The following ST6GALNAC3 variants were observed in gnomAD, a reference collection of about 807,000 sequenced individuals.
ST6GALNAC3 encodes the protein ST6 N-acetylgalactosaminide alpha-2,6-sialyltransferase 3.
In ST6GALNAC3, 25 loss-of-function variants were observed where a neutral mutation model predicts 32.7. That is an observed-to-expected ratio of 0.76 (90% CI 0.56 to 1.07). ST6GALNAC3 has a LOEUF of 1.07. Among genes scored for constraint, ST6GALNAC3 ranks in the 50% least tolerant of loss-of-function variants. The pLI, the probability that ST6GALNAC3 is intolerant of heterozygous loss-of-function variation, is 0.00. For synonymous variants in ST6GALNAC3, 129 were observed against 133.1 expected (o/e 0.97, Z 0.21); for missense variants, 355 against 382.4 (o/e 0.93, Z 0.60).
chr1:76,516,249 A>T (rs1044644999), intron 3 of ST6GALNAC3, among the ~76,000 whole-genome samples: 3 of 152,146 alleles, frequency 2.0e-5, no homozygotes, highest in Admixed American at 1.3e-4. Context: ...TTATTTTTTT[A>T]AAATGTTACA....
rs1659202866 is a variant in ST6GALNAC3, at chr1:76,277,528, G to GTGTA, written c.19-36276_19-36275insGTAT. On this transcript the variant is annotated intron_variant, in intron 1 of 4. Coordinates refer to ENST00000328299, the MANE Select transcript of ST6GALNAC3 (RefSeq NM_152996.4). ...AAGACATATATGTATATGTTTATGT[G>GTGTA]TATATATATATATATATATATATAT... 5.9e-5 allele frequency among the ~76,000 whole-genome samples: 5 copies of GTGTA among 84,580 alleles called. No homozygotes were observed. In the South Asian group the frequency reaches 1.3e-3, roughly 22 times the overall value. The allele number at this position is 84,580 out of a possible 152,430, so 55.5% of individuals were successfully genotyped here.
chr1:76,121,761 AC>A (rs1230158247), intron 1 of ST6GALNAC3, among the ~76,000 whole-genome samples: 1 of 152,198 alleles, frequency 6.6e-6, no homozygotes, highest in Non-Finnish European at 1.5e-5. Context: ...TGCCCTGCAC[AC>A]AAACCCTCCA....
chr1:76,165,378 C>T (rs999071491), intron 1 of ST6GALNAC3, among the ~76,000 whole-genome samples: 9 of 152,050 alleles, frequency 5.9e-5, no homozygotes, highest in East Asian at 1.9e-4. Flanking sequence ...CATAGTATTC[C>T]GTGGTATATA....
At chr1:76,428,786 A>G (rs1285671697) in intron 3 of ST6GALNAC3, among the ~76,000 whole-genome samples, 2 of 152,212 alleles carry the variant, frequency 1.3e-5, no homozygotes, top group Non-Finnish European at 2.9e-5. Context: ...TAATGCTAAT[A>G]GCTAATGAAA....
At chr1:76,313,655 A>G (rs758367125) in intron 1 of ST6GALNAC3, 150 bp from the exon 2 acceptor site, 1 of 910,970 alleles carries the variant, frequency 1.1e-6, no homozygotes, top group South Asian at 1.4e-5. Context: ...TCACCAAATA[A>G]TTATTTTCCA....
Position 76,509,693 on chromosome 1 carries a change from A to AG in ST6GALNAC3, c.623+97279dup, listed in dbSNP as rs556286052. On this transcript the variant is annotated intron_variant, in intron 3 of 4. Transcript: ENST00000328299. The surrounding 1 kb of genome is among the most constrained non-coding windows in gnomAD (Gnocchi z 5.5). ...GGCTGCATTCCTTCTGGAAGATCCA[A>AG]GGGAGAATCTATTTCTTTTTCCAGC... 3.7e-4 allele frequency among the ~76,000 whole-genome samples: 57 copies of AG among 152,296 alleles called. 2 individuals carry two copies. In the South Asian group the frequency reaches 9.7e-3, roughly 26 times the overall value.
intron 1 of ST6GALNAC3, among the ~76,000 whole-genome samples, chr1:76,096,089 G>A (rs1000174005): frequency 3.9e-5 from 6 of 152,166 alleles, no homozygotes; most frequent in African/African-American, 1.4e-4. Flanking sequence ...CCTAGGCAAC[G>A]TTTACCTGTG....
chr1:76,324,126 G>T (rs1647023210), intron 2 of ST6GALNAC3, among the ~76,000 whole-genome samples: 1 of 152,188 alleles, frequency 6.6e-6, no homozygotes, highest in Non-Finnish European at 1.5e-5. Flanking sequence ...AGAGTGCTGG[G>T]ATTACAGGTG....
At chr1:76,211,517 C>T (rs1570450793) in intron 1 of ST6GALNAC3, among the ~76,000 whole-genome samples, 1 of 152,156 alleles carries the variant, frequency 6.6e-6, no homozygotes, top group Non-Finnish European at 1.5e-5. Flanking sequence ...TTCACAATAG[C>T]AAAGACTTGG....
At chr1:76,459,820 CTTCA>C (rs957848529) in intron 3 of ST6GALNAC3, among the ~76,000 whole-genome samples, 5 of 152,160 alleles carry the variant, frequency 3.3e-5, no homozygotes, top group Admixed American at 2.0e-4. Context: ...AATATCAGTA[CTTCA>C]TTCATTTTTA....
intron 2 of ST6GALNAC3, among the ~76,000 whole-genome samples, chr1:76,386,672 AG>A (rs1352918184): frequency 2.0e-5 from 3 of 152,288 alleles, no homozygotes; most frequent in Middle Eastern, 3.4e-3. Context: ...TGGGTGTTAG[AG>A]TTAAACCTAG....
At chr1:76,570,635 A>G (rs1221782104) in intron 3 of ST6GALNAC3, among the ~76,000 whole-genome samples, 1 of 152,056 alleles carries the variant, frequency 6.6e-6, no homozygotes, top group Non-Finnish European at 1.5e-5. Context: ...TGCCAATGAC[A>G]TCTTATGTTG....
chr1:76,220,905 T>G (rs760788148), intron 1 of ST6GALNAC3, among the ~76,000 whole-genome samples: 3 of 152,172 alleles, frequency 2.0e-5, no homozygotes, highest in Non-Finnish European at 4.4e-5. Context: ...ACCATCCCAG[T>G]CTTGACAGGT....
chr1:76,364,483 G>A (rs547609218), intron 2 of ST6GALNAC3, among the ~76,000 whole-genome samples: 2 of 152,240 alleles, frequency 1.3e-5, no homozygotes, highest in South Asian at 4.1e-4. Flanking sequence ...AACCCAGGAG[G>A]TGGAGGTTGC....
At chr1:76,539,274 C>A (rs1001132845) in intron 3 of ST6GALNAC3, among the ~76,000 whole-genome samples, 1 of 152,138 alleles carries the variant, frequency 6.6e-6, no homozygotes, top group African/African-American at 2.4e-5. Context: ...GAAATGATCT[C>A]CTATTCAATA....
At chr1:76,516,241 A>AT (rs1662165458) in intron 3 of ST6GALNAC3, among the ~76,000 whole-genome samples, 1 of 152,092 alleles carries the variant, frequency 6.6e-6, no homozygotes, top group African/African-American at 2.4e-5. Context: ...TCTTTGAGTT[A>AT]TTTTTTTAAA....
At chr1:76,116,670 C>G (rs1648502203) in intron 1 of ST6GALNAC3, among the ~76,000 whole-genome samples, 1 of 152,104 alleles carries the variant, frequency 6.6e-6, no homozygotes, top group Non-Finnish European at 1.5e-5. Flanking sequence ...GTGGCTCACA[C>G]CTGTAATCCC....
chr1:76,268,364 G>A (rs1010880037), intron 1 of ST6GALNAC3, among the ~76,000 whole-genome samples: 1 of 152,194 alleles, frequency 6.6e-6, no homozygotes, highest in Non-Finnish European at 1.5e-5. Context: ...GATGCTTGAT[G>A]CAGATTTAAG....
intron 3 of ST6GALNAC3, among the ~76,000 whole-genome samples, chr1:76,471,602 G>A (rs1462656878): frequency 6.6e-6 from 1 of 152,068 alleles, no homozygotes; most frequent in Non-Finnish European, 1.5e-5. Context: ...ACCTAAGAGA[G>A]TAGGGCCCTA....
Sources: gnomAD v4.1 joint callset for allele counts (sites outside exome capture counted in the v4.1 genomes callset) on GRCh38, gnomAD v4.1.1 for gene constraint, Gnocchi (gnomAD v3.1) non-coding constraint, MANE v1.5 for transcripts, NCBI Gene and HGNC (gene_info 2026-07-23, HGNC 2026-07-21) for gene names.